Variants in RCAN2 observed in about 807,000 individuals in gnomAD.
RCAN2 encodes regulator of calcineurin 2.
RCAN2 carries 9 observed loss-of-function variants against 23.6 expected under a neutral mutation model. That is an observed-to-expected ratio of 0.38 (90% CI 0.23 to 0.67). The LOEUF is 0.67. RCAN2 is among the 30% of genes least tolerant of loss of function. The probability of loss-of-function intolerance (pLI) is 0.51; values close to 1 mark genes in which losing one functional copy is unlikely to be tolerated. For missense variants in RCAN2, 273 were observed against 302.3 expected (o/e 0.90, Z 0.72); for synonymous variants, 109 against 115.7 (o/e 0.94, Z 0.37).
intron 2 of RCAN2, among the ~76,000 whole-genome samples, chr6:46,339,398 T>A (rs1561865743): frequency 6.6e-6 from 1 of 152,008 alleles, no homozygotes; most frequent in Admixed American, 6.6e-5. Context: ...GGTAAGTGGT[T>A]TTTTAGTTTT....
intron 2 of RCAN2, among the ~76,000 whole-genome samples, chr6:46,432,296 C>T (rs906388014): frequency 1.3e-5 from 2 of 152,250 alleles, no homozygotes; most frequent in East Asian, 1.9e-4. Context: ...TCACCACAAC[C>T]TCTGCCTCCC....
intron 1 of RCAN2, among the ~76,000 whole-genome samples, chr6:46,462,074 A>T (rs1372178262): frequency 6.6e-6 from 1 of 152,228 alleles, no homozygotes; most frequent in East Asian, 1.9e-4. Flanking sequence ...GGTGGCCATC[A>T]TCTTCTACTG....
At chr6:46,330,069 T>G (rs1047517523) in intron 2 of RCAN2, among the ~76,000 whole-genome samples, 2 of 152,202 alleles carry the variant, frequency 1.3e-5, no homozygotes, top group Non-Finnish European at 2.9e-5. Flanking sequence ...TAAATGTTTA[T>G]TATGGAGAAT....
chr6:46,450,734 G>T (rs907432935), intron 2 of RCAN2, among the ~76,000 whole-genome samples: 1 of 152,028 alleles, frequency 6.6e-6, no homozygotes, highest in East Asian at 1.9e-4. Context: ...GGATAAAAAT[G>T]TCAGACACAT....
chr6:46,448,284 A>G (rs1025262908), intron 2 of RCAN2, among the ~76,000 whole-genome samples: 1 of 151,850 alleles, frequency 6.6e-6, no homozygotes, highest in African/African-American at 2.4e-5. Context: ...CTGAATCACG[A>G]AGAAAAAGAA....
chr6:46,256,262 T>C, intron 2 of RCAN2, among the ~76,000 whole-genome samples: 1 of 151,840 alleles, frequency 6.6e-6, no homozygotes, highest in African/African-American at 2.4e-5. Flanking sequence ...CCCTACTACT[T>C]GGGAGGCTCA....
intron 4 of RCAN2, among the ~76,000 whole-genome samples, chr6:46,245,692 T>C (rs957325145): frequency 9.2e-5 from 14 of 152,348 alleles, no homozygotes; most frequent in African/African-American, 3.4e-4. Context: ...CTTGAACTTA[T>C]CTGCATATTA....
intron 2 of RCAN2, among the ~76,000 whole-genome samples, chr6:46,374,074 C>T (rs1022681395): frequency 2.6e-5 from 4 of 152,154 alleles, no homozygotes; most frequent in South Asian, 2.1e-4. Context: ...AGTCCCACTC[C>T]GTGAGGGTAG....
At chr6:46,278,375 C>T (rs910104183) in intron 2 of RCAN2, among the ~76,000 whole-genome samples, 1 of 151,688 alleles carries the variant, frequency 6.6e-6, no homozygotes, top group Non-Finnish European at 1.5e-5. Flanking sequence ...CCCACCCATC[C>T]TTTACACACA....
intron 2 of RCAN2, among the ~76,000 whole-genome samples, chr6:46,268,755 T>A (rs1767427234): frequency 6.6e-6 from 1 of 152,224 alleles, no homozygotes; most frequent in Non-Finnish European, 1.5e-5. Context: ...ATCCTGGCCT[T>A]GTTTTGTCTT....
At chr6:46,330,703 T>G (rs1200230350) in intron 2 of RCAN2, among the ~76,000 whole-genome samples, 1 of 152,224 alleles carries the variant, frequency 6.6e-6, no homozygotes, top group Non-Finnish European at 1.5e-5. Flanking sequence ...GGATCCAAAC[T>G]ACTGTGTCTC....
intron 4 of RCAN2, among the ~76,000 whole-genome samples, chr6:46,240,877 G>GA (rs1321691513): frequency 1.3e-5 from 2 of 151,930 alleles, no homozygotes; most frequent in Admixed American, 6.6e-5. Flanking sequence ...GAAGAATTTG[G>GA]AAAAAAATCT....
intron 1 of RCAN2, among the ~76,000 whole-genome samples, chr6:46,485,520 A>G (rs1175304898): frequency 6.6e-6 from 1 of 152,186 alleles, no homozygotes; most frequent in Non-Finnish European, 1.5e-5. Context: ...CCAAGAAAAA[A>G]AACAAAACAT....
chr6:46,345,726 A>G (rs1764462395), intron 2 of RCAN2, among the ~76,000 whole-genome samples: 1 of 152,164 alleles, frequency 6.6e-6, no homozygotes, highest in Admixed American at 6.5e-5. Flanking sequence ...ATGTGATGTC[A>G]CAACAGATTT....
chr6:46,260,441 A>G (rs552007399), intron 2 of RCAN2, among the ~76,000 whole-genome samples: 1 of 152,162 alleles, frequency 6.6e-6, no homozygotes, highest in East Asian at 1.9e-4. Context: ...GCCTAAATCC[A>G]CTTTGTAAGT....
intron 2 of RCAN2, among the ~76,000 whole-genome samples, chr6:46,286,940 G>C (rs1263347591): frequency 2.0e-5 from 3 of 152,122 alleles, no homozygotes; most frequent in Admixed American, 6.5e-5. Flanking sequence ...GGGAGGTGGA[G>C]GTTGCGGTGA....
At chr6:46,441,157 G>T (rs1706191141) in intron 2 of RCAN2, among the ~76,000 whole-genome samples, 1 of 152,148 alleles carries the variant, frequency 6.6e-6, no homozygotes, top group Non-Finnish European at 1.5e-5. Flanking sequence ...TACTAAGAAG[G>T]TCTAGTATTA....
At chr6:46,454,965 C>T (rs895415581) in intron 2 of RCAN2, among the ~76,000 whole-genome samples, 7 of 152,186 alleles carry the variant, frequency 4.6e-5, no homozygotes, top group African/African-American at 1.4e-4. Flanking sequence ...TTGTTTCAGT[C>T]TACTGGGAAG....
intron 2 of RCAN2, among the ~76,000 whole-genome samples, chr6:46,367,286 T>C (rs531721915): frequency 5.6e-4 from 85 of 152,068 alleles, no homozygotes; most frequent in African/African-American, 1.8e-3. Context: ...TTGATAATTC[T>C]AGGCTTGTCA....
Sources: gnomAD v4.1 joint callset for allele counts (sites outside exome capture counted in the v4.1 genomes callset) on GRCh38, gnomAD v4.1.1 for gene constraint, MANE v1.5 for transcripts, NCBI Gene and HGNC (gene_info 2026-07-23, HGNC 2026-07-21) for gene names.